GRIK2: variants seen among roughly 807,000 people sequenced by gnomAD.
GRIK2 encodes the protein glutamate receptor ionotropic, kainate 2.
In GRIK2, 32 loss-of-function variants were observed where a neutral mutation model predicts 100.3. The ratio of observed to expected loss-of-function variants is 0.32; its 90% CI spans 0.24 to 0.43. The LOEUF is 0.43. GRIK2 is among the 20% of genes least tolerant of loss of function. The pLI is 1.00. For missense variants in GRIK2, 843 were observed against 1,114.9 expected (o/e 0.76, Z 3.47); for synonymous variants, 417 against 389.4 (o/e 1.07, Z -0.83).
intron 2 of GRIK2, among the ~76,000 whole-genome samples, chr6:101,564,258 G>A (rs1251318098): frequency 1.3e-5 from 2 of 152,098 alleles, no homozygotes; most frequent in African/African-American, 2.4e-5. Flanking sequence ...CCAGAAGAAC[G>A]CTATTCTCTT....
chr6:101,833,483 T>G (rs1459948739), intron 10 of GRIK2, among the ~76,000 whole-genome samples: 1 of 152,166 alleles, frequency 6.6e-6, no homozygotes, highest in Non-Finnish European at 1.5e-5. Flanking sequence ...TCCACCCACC[T>G]CGGCCTCCCA....
intron 14 of GRIK2, among the ~76,000 whole-genome samples, chr6:102,007,655 CA>C (rs763803546): frequency 2.0e-5 from 3 of 151,782 alleles, no homozygotes; most frequent in Non-Finnish European, 2.9e-5. Context: ...CAGATGGAAT[CA>C]AAAATTTTCA....
In GRIK2 at chr6:101,486,430, A is replaced by G. The variant is rs112338276; in HGVS notation, c.115+87038A>G. On this transcript the variant is annotated intron_variant, in intron 2 of 16. Coordinates refer to ENST00000369134, the MANE Select transcript of GRIK2 (RefSeq NM_021956.5). Reference sequence around the variant, plus strand: ...TAAGTAGATTATAGAAAGTCTGCCAAATTAAGGGGTTTTCCTTCTGAGCTC... The same window carrying G: ...TAAGTAGATTATAGAAAGTCTGCCAGATTAAGGGGTTTTCCTTCTGAGCTC... Among the ~76,000 whole-genome samples the G allele has an allele frequency of 7.0e-3, 1,069 of 151,856 alleles. 14 individuals carry two copies. Among genetic ancestry groups the G allele is most frequent in the African/African-American group, 0.025 (1,026 of 41,342 alleles).
chr6:101,794,704 C>G (rs1270420676), intron 7 of GRIK2, among the ~76,000 whole-genome samples: 1 of 151,134 alleles, frequency 6.6e-6, no homozygotes, highest in African/African-American at 2.4e-5. Flanking sequence ...TATTTTGAAT[C>G]TTTTTTCAGG....
chr6:101,935,923 T>C (rs1340276), intron 14 of GRIK2, among the ~76,000 whole-genome samples: 124,132 of 151,864 alleles, frequency 0.82, 50,896 homozygotes, highest in East Asian at 0.92. Flanking sequence ...ATACCTAATA[T>C]ACTTAGGCTT....
rs192045863 is a variant in GRIK2 at position 102,041,735 on chromosome 6, A to G, written c.2311+6169A>G. The stretch of plus-strand genomic sequence containing the variant: ...TTATATTTTTAGTACTTGAATCAGA[A>G]TAGGTAGCATAAAGAATTTTAAAGA... On this transcript the variant is annotated intron_variant, in intron 15 of 16. Transcript: ENST00000369134. Among the ~76,000 whole-genome samples the G allele has an allele frequency of 2.1e-3, 318 of 151,706 alleles. 2 individuals carry two copies. The highest frequency in any genetic ancestry group is 7.1e-3 in the African/African-American group (293 of 41,484).
At chr6:101,757,241 G>T (rs1242044580) in intron 7 of GRIK2, among the ~76,000 whole-genome samples, 3 of 151,828 alleles carry the variant, frequency 2.0e-5, no homozygotes, top group Admixed American at 6.6e-5. Context: ...TGAGGATTGG[G>T]GTTTAGGCAA....
chr6:101,754,310 A>C (rs140876524), intron 7 of GRIK2, among the ~76,000 whole-genome samples: 1,645 of 152,312 alleles, frequency 0.011, 16 homozygotes, highest in Non-Finnish European at 0.012. Flanking sequence ...TTTGAAAGGC[A>C]ATATGTGCCT....
intron 2 of GRIK2, among the ~76,000 whole-genome samples, chr6:101,467,931 AT>A (rs542206475): frequency 1.3e-4 from 18 of 141,102 alleles, no homozygotes; most frequent in African/African-American, 2.5e-4. Context: ...CCCACGATAT[AT>A]TTTTTTTTTT....
chr6:101,476,580 G>A (rs1038609458), intron 2 of GRIK2, among the ~76,000 whole-genome samples: 3 of 152,084 alleles, frequency 2.0e-5, no homozygotes, highest in African/African-American at 7.2e-5. Context: ...AGTACCTACT[G>A]TATAGGATTG....
intron 2 of GRIK2, among the ~76,000 whole-genome samples, chr6:101,437,027 T>G (rs1370533782): frequency 1.3e-5 from 2 of 149,252 alleles, no homozygotes; most frequent in Non-Finnish European, 3.0e-5. Flanking sequence ...CCTATATGGA[T>G]ATATATATAT....
chr6:101,781,740 T>C (rs182400354), intron 7 of GRIK2, among the ~76,000 whole-genome samples: 1 of 152,294 alleles, frequency 6.6e-6, no homozygotes, highest in African/African-American at 2.4e-5. Flanking sequence ...TTATCCTTCA[T>C]ATGTTCAGAA....
At chr6:101,874,115 T>C (rs1785634347) in intron 11 of GRIK2, among the ~76,000 whole-genome samples, 1 of 152,216 alleles carries the variant, frequency 6.6e-6, no homozygotes, top group Admixed American at 6.5e-5. Context: ...ATCCCATTTG[T>C]CAATTTTGGC....
chr6:101,799,440 A>G (rs1780535899), intron 7 of GRIK2, among the ~76,000 whole-genome samples: 1 of 152,070 alleles, frequency 6.6e-6, no homozygotes, highest in South Asian at 2.1e-4. Flanking sequence ...GGGTAGGTCA[A>G]ATTTTCTTAT....
intron 16 of GRIK2, among the ~76,000 whole-genome samples, chr6:102,057,112 G>T (rs1771501767): frequency 6.6e-6 from 1 of 151,868 alleles, no homozygotes; most frequent in Admixed American, 6.6e-5. Flanking sequence ...ATCATTTCAG[G>T]TTTAATTTGT....
rs114657661 is a variant in GRIK2, at chr6:101,496,725, T to C, written c.115+97333T>C. 3.0e-3 allele frequency among the ~76,000 whole-genome samples: 451 copies of C among 152,290 alleles called. 4 individuals carry two copies. Among genetic ancestry groups the C allele is most frequent in the African/African-American group, 0.01 (435 of 41,562 alleles). ...TTTGGGTTTTGTAATGTTTAAGTGA[T>C]TATTTACTAACTAGAGTTCGCTTTC... On this transcript the variant is annotated intron_variant, in intron 2 of 16. Coordinates refer to ENST00000369134, the MANE Select transcript of GRIK2 (RefSeq NM_021956.5).
chr6:101,445,584 A>G (rs1323613753), intron 2 of GRIK2, among the ~76,000 whole-genome samples: 1 of 152,032 alleles, frequency 6.6e-6, no homozygotes, highest in Non-Finnish European at 1.5e-5. Flanking sequence ...TGTCCCTTTG[A>G]TCTTCTACCA....
chr6:101,608,612 G>C (rs1422478807), intron 2 of GRIK2, among the ~76,000 whole-genome samples: 1 of 151,868 alleles, frequency 6.6e-6, no homozygotes, highest in Admixed American at 6.6e-5. Context: ...ACTCAGTTAA[G>C]AGCTGCACAT....
chr6:101,918,479 AT>A lies in GRIK2; in HGVS notation c.1749-6118del, dbSNP rs201359898. Among the ~76,000 whole-genome samples, 142 of 151,772 alleles carry A rather than the reference AT, an allele frequency of 9.4e-4. 1 individual carries two copies. In the East Asian group the frequency reaches 0.025, roughly 26 times the overall value. ...CAATGAGTAGTAGATTATTTTATATATTTTCTAAATTATTTCTTTGCTCTAA... is the reference window on the plus strand; with the variant it reads ...CAATGAGTAGTAGATTATTTTATATATTTCTAAATTATTTCTTTGCTCTAA... On this transcript the variant is annotated intron_variant, in intron 12 of 16. Transcript: ENST00000369134.
Sources: allele counts gnomAD v4.1 joint callset (sites outside exome capture counted in the v4.1 genomes callset), GRCh38; gene constraint gnomAD v4.1.1; transcripts MANE v1.5; gene names NCBI Gene and HGNC (gene_info 2026-07-23, HGNC 2026-07-21).